The following FLT3 variants were observed in gnomAD, a reference collection of about 807,000 sequenced individuals.
The protein encoded by FLT3 is receptor-type tyrosine-protein kinase FLT3.
In FLT3, 46 loss-of-function variants were observed where a neutral mutation model predicts 126.6. The ratio of observed to expected loss-of-function variants is 0.36; its 90% CI spans 0.29 to 0.46. FLT3 has a LOEUF of 0.46. FLT3 is among the 20% of genes least tolerant of loss of function. The pLI, the probability that FLT3 is intolerant of heterozygous loss-of-function variation, is 1.00. For synonymous variants in FLT3, 404 were observed against 434.4 expected, an observed-to-expected ratio of 0.93 and a Z score of 0.87; for missense variants, 1,069 against 1,190.3, an observed-to-expected ratio of 0.90 and a Z score of 1.50.
At chr13:28,062,743 C>CAAAAAAAAAAAAAG (rs1876683532) in intron 2 of FLT3, among the ~76,000 whole-genome samples, 1 of 89,996 alleles carries the variant, frequency 1.1e-5, no homozygotes, top group African/African-American at 4.8e-5. Flanking sequence ...AACTCTGTCT[C>CAAAAAAAAAAAAAG]AAAAAAAAAA....
At chr13:28,043,604 A>G (rs1243099139) in intron 9 of FLT3, among the ~76,000 whole-genome samples, 2 of 152,252 alleles carry the variant, frequency 1.3e-5, no homozygotes, top group Non-Finnish European at 2.9e-5. Context: ...GTTCAATTAA[A>G]TTGTTGAATC....
intron 12 of FLT3, 26 bp from the exon 13 acceptor site, chr13:28,034,433 G>A (rs369231533): frequency 8.1e-6 from 12 of 1,480,858 alleles, no homozygotes; most frequent in South Asian, 1.1e-5. Flanking sequence ...GTCACTCAGC[G>A]ATGAAACAGA....
chr13:28,047,705 T>C (rs1306512993), intron 9 of FLT3, among the ~76,000 whole-genome samples: 3 of 68,566 alleles, frequency 4.4e-5, no homozygotes, highest in Admixed American at 4.1e-4. Flanking sequence ...GAGTGAGACC[T>C]CATCTCAAAA....
chr13:28,078,365 G>A (rs557866900), intron 1 of FLT3, among the ~76,000 whole-genome samples: 18 of 152,298 alleles, frequency 1.2e-4, no homozygotes, highest in African/African-American at 4.3e-4. Context: ...TGACTTCTGT[G>A]CACCCGCATG....
intron 1 of FLT3, among the ~76,000 whole-genome samples, chr13:28,077,012 A>C (rs1252291625): frequency 2.8e-5 from 2 of 71,248 alleles, no homozygotes; most frequent in Non-Finnish European, 5.7e-5. Context: ...AAAGGAAGGA[A>C]GGAAGGAAGG....
intron 1 of FLT3, among the ~76,000 whole-genome samples, chr13:28,072,246 C>A (rs544472850): frequency 1.3e-4 from 19 of 151,406 alleles, no homozygotes; most frequent in African/African-American, 4.6e-4. Flanking sequence ...TATATATGTA[C>A]ATATAAGTAT....
At chr13:28,083,701 A>G (rs1440983758) in intron 1 of FLT3, among the ~76,000 whole-genome samples, 1 of 152,192 alleles carries the variant, frequency 6.6e-6, no homozygotes, top group Non-Finnish European at 1.5e-5. Flanking sequence ...TTTTTCTTGA[A>G]CAAGCATTGA....
intron 18 of FLT3, among the ~76,000 whole-genome samples, chr13:28,023,970 C>A (rs530729965): frequency 1.4e-3 from 214 of 152,002 alleles, no homozygotes; most frequent in African/African-American, 4.6e-3. Context: ...ACCGTGTTAG[C>A]CAGGATGGTC....
chr13:28,076,157 T>A (rs926697146), intron 1 of FLT3, among the ~76,000 whole-genome samples: 2 of 152,162 alleles, frequency 1.3e-5, no homozygotes, highest in Admixed American at 6.5e-5. Flanking sequence ...TGACATTTAT[T>A]TATTCATCCA....
At chr13:28,072,850 C>G (rs1387365614) in intron 1 of FLT3, among the ~76,000 whole-genome samples, 2 of 151,418 alleles carry the variant, frequency 1.3e-5, no homozygotes, top group African/African-American at 4.9e-5. Context: ...TAAAAAAATA[C>G]AAAAATTAGC....
At chr13:28,034,902 G>A (rs954777177) in intron 12 of FLT3, among the ~76,000 whole-genome samples, 2 of 150,518 alleles carry the variant, frequency 1.3e-5, no homozygotes, top group South Asian at 2.1e-4. Flanking sequence ...CCAAGATCAC[G>A]CCACTGCACT....
chr13:28,057,100 G>A (rs1876079742), intron 4 of FLT3, among the ~76,000 whole-genome samples: 1 of 152,214 alleles, frequency 6.6e-6, no homozygotes, highest in South Asian at 2.1e-4. Flanking sequence ...ACTGAACAGA[G>A]GACGTCCCAG....
intron 9 of FLT3, among the ~76,000 whole-genome samples, chr13:28,045,404 G>A (rs1445931232): frequency 6.6e-6 from 1 of 152,128 alleles, no homozygotes; most frequent in Non-Finnish European, 1.5e-5. Context: ...TTTGAATCAG[G>A]TTCAGAAGAG....
intron 1 of FLT3, among the ~76,000 whole-genome samples, chr13:28,087,476 C>G (rs9581986): frequency 0.16 from 24,423 of 152,156 alleles, 2,148 homozygotes; most frequent in Middle Eastern, 0.26. Context: ...TGGCTTTAAC[C>G]AATTTGATGA....
chr13:28,080,165 C>G lies in FLT3; in HGVS notation c.44-9553G>C, dbSNP rs1878224871. On this transcript the variant is annotated intron_variant, in intron 1 of 23. Coordinates refer to ENST00000241453, the MANE Select transcript of FLT3 (RefSeq NM_004119.3). ...CCAAGGTGGGTGGATCACCTGAGGT[C>G]AGGAGTTCGAGACCAGCCTGGCCAA... Among the ~76,000 whole-genome samples the G allele has an allele frequency of 3.9e-5, 6 of 152,204 alleles. No individual in the cohort carries two copies. In the South Asian group the frequency reaches 1.2e-3, roughly 31 times the overall value.
intron 9 of FLT3, among the ~76,000 whole-genome samples, chr13:28,037,868 C>T (rs1373834312): frequency 6.6e-6 from 1 of 152,164 alleles, no homozygotes; most frequent in East Asian, 1.9e-4. Flanking sequence ...CTGTGAATTG[C>T]ACACGCCAGG....
chr13:28,017,404 T>C (rs1365173790), intron 20 of FLT3, among the ~76,000 whole-genome samples: 5 of 152,040 alleles, frequency 3.3e-5, no homozygotes, highest in African/African-American at 1.2e-4. Flanking sequence ...TTATTTTTTA[T>C]AGAGACAGTT....
At chr13:28,050,974 C>A (rs544289897) in intron 5 of FLT3, among the ~76,000 whole-genome samples, 20 of 152,318 alleles carry the variant, frequency 1.3e-4, no homozygotes, top group African/African-American at 4.6e-4. Flanking sequence ...TGGCTAGGCA[C>A]TGTTCTATGT....
intron 1 of FLT3, among the ~76,000 whole-genome samples, chr13:28,091,886 A>G (rs777006798): frequency 1.3e-5 from 2 of 152,090 alleles, no homozygotes; most frequent in Non-Finnish European, 2.9e-5. Context: ...CCTGGCCAAC[A>G]TGGTGAAACC....
Sources: allele counts gnomAD v4.1 joint callset (sites outside exome capture counted in the v4.1 genomes callset), GRCh38; gene constraint gnomAD v4.1.1; transcripts MANE v1.5; gene names NCBI Gene and HGNC (gene_info 2026-07-23, HGNC 2026-07-21).